The following AFF1 variants were observed in gnomAD, a reference collection of about 807,000 sequenced individuals.
AFF1 encodes the protein ALF transcription elongation factor 1.
In AFF1, 48 loss-of-function variants were observed where a neutral mutation model predicts 121.7. The ratio of observed to expected loss-of-function variants is 0.39; its 90% CI spans 0.31 to 0.50. The LOEUF (loss-of-function observed/expected upper bound fraction) is 0.50. AFF1 is among the 20% of genes least tolerant of loss of function. The pLI is 0.76. For missense variants in AFF1, 1,523 were observed against 1,511.7 expected, an observed-to-expected ratio of 1.01 and a Z score of -0.12; for synonymous variants, 613 against 563.0, an observed-to-expected ratio of 1.09 and a Z score of -1.26.
At chr4:87,016,509 G>A (rs913644814) in intron 2 of AFF1, among the ~76,000 whole-genome samples, 7 of 149,738 alleles carry the variant, frequency 4.7e-5, no homozygotes, top group Admixed American at 6.7e-5. Context: ...CGGAGATTGC[G>A]CCACTGCACT....
chr4:86,989,699 T>C (rs1387096523), intron 2 of AFF1, among the ~76,000 whole-genome samples: 1 of 152,192 alleles, frequency 6.6e-6, no homozygotes. Flanking sequence ...GGATTATAAA[T>C]CATTCTGCTA....
At chr4:87,107,788 A>G (rs13134084) in intron 10 of AFF1, among the ~76,000 whole-genome samples, 20,430 of 152,238 alleles carry the variant, frequency 0.13, 1,786 homozygotes, top group Middle Eastern at 0.21. Context: ...TAGTACATTA[A>G]AAAAATGGGT....
chr4:87,011,248 T>C (rs1726727794), intron 2 of AFF1, among the ~76,000 whole-genome samples: 1 of 152,098 alleles, frequency 6.6e-6, no homozygotes, highest in African/African-American at 2.4e-5. Context: ...AAAGAAAGGA[T>C]TTATAGACAA....
Position 87,047,396 on chromosome 4 carries a change from C to T in AFF1, c.861C>T (p.Pro287=). 6.2e-7 allele frequency: 1 copy of T among 1,614,194 alleles called. No individual in the cohort carries two copies. The highest frequency in any genetic ancestry group is 8.5e-7 in the Non-Finnish European group (1 of 1,180,040). The change falls in exon 4 of 21, where the codon CCC becomes CCT. Residue 287 remains proline, a synonymous_variant. Transcript: ENST00000395146. ...PSQTFPPPSL[P]SKSVAMQQKP... ...AGACATTTCCACCTCCCTCCCTCCC[C>T]TCAAAAAGTGTTGCAATGCAGCAGA...
chr4:87,089,718 T>C (rs1363634061), intron 5 of AFF1, among the ~76,000 whole-genome samples: 2 of 152,230 alleles, frequency 1.3e-5, no homozygotes, highest in African/African-American at 2.4e-5. Flanking sequence ...TGCTTGATAA[T>C]ATTCAGGGTG....
chr4:86,936,809 GA>G (rs1159219277), intron 1 of AFF1, among the ~76,000 whole-genome samples: 1 of 152,158 alleles, frequency 6.6e-6, no homozygotes, highest in Non-Finnish European at 1.5e-5. Context: ...TTGAATATTT[GA>G]AGATAAATAT....
chr4:87,108,068 C>T (rs556938794), intron 10 of AFF1, 91 bp from the exon 11 acceptor site: 4 of 1,445,078 alleles, frequency 2.8e-6, no homozygotes, highest in Admixed American at 2.0e-5. Context: ...CCAAGGCCCG[C>T]CCTTTTGAGT....
At position 87,111,007 on chromosome 4, in the gene AFF1, T is replaced by TTTATTTTA. The variant is rs1560635340; in HGVS notation, c.1533+2694_1533+2695insATTTTATT. Among the ~76,000 whole-genome samples, 5 of 34,842 alleles carry TTTATTTTA rather than the reference T, an allele frequency of 1.4e-4. 2 individuals carry two copies. The highest frequency in any genetic ancestry group is 3.6e-4 in the African/African-American group (5 of 13,936). 22.9% of individuals were successfully genotyped at this position (34,842 alleles called of 152,430 possible). On this transcript the variant is annotated intron_variant, in intron 11 of 20. Transcript: ENST00000395146. Reference sequence around the variant, plus strand: ...TATCTACTTAAACTTTATTTTTTTTTTTTTATTTTTTTTTTTTTGAGACGG... The same window carrying TTTATTTTA: ...TATCTACTTAAACTTTATTTTTTTTTTTATTTTATTTTATTTTTTTTTTTTTGAGACGG...
chr4:86,962,483 C>T (rs1289887809), intron 2 of AFF1, among the ~76,000 whole-genome samples: 1 of 152,122 alleles, frequency 6.6e-6, no homozygotes, highest in Non-Finnish European at 1.5e-5. Context: ...ATTTTCTTCC[C>T]TTTCTGTTGA....
intron 12 of AFF1, among the ~76,000 whole-genome samples, chr4:87,123,794 A>G (rs908682366): frequency 1.3e-5 from 2 of 152,124 alleles, no homozygotes; most frequent in Admixed American, 6.5e-5. Context: ...ACTCGGGAGG[A>G]GAGGAAGACA....
chr4:87,080,253 G>T (rs1723038439), intron 4 of AFF1, among the ~76,000 whole-genome samples: 2 of 152,188 alleles, frequency 1.3e-5, no homozygotes, highest in East Asian at 1.9e-4. Flanking sequence ...TAAAGTCAGT[G>T]TCTATACCAT....
At chr4:87,124,648 TA>T (rs1224548005) in intron 12 of AFF1, among the ~76,000 whole-genome samples, 1 of 152,212 alleles carries the variant, frequency 6.6e-6, no homozygotes, top group Non-Finnish European at 1.5e-5. Flanking sequence ...GGAAACCTCA[TA>T]AAAAATCATC....
intron 2 of AFF1, among the ~76,000 whole-genome samples, chr4:87,042,015 A>G (rs1334763172): frequency 6.6e-6 from 1 of 151,828 alleles, no homozygotes; most frequent in Non-Finnish European, 1.5e-5. Context: ...ATCTGGAAAA[A>G]AAAAAAAAAA....
intron 8 of AFF1, among the ~76,000 whole-genome samples, chr4:87,103,365 A>C (rs1725615694): frequency 6.6e-6 from 1 of 152,234 alleles, no homozygotes. Context: ...ATTCTTTATC[A>C]AATAAATTAT....
intron 2 of AFF1, among the ~76,000 whole-genome samples, chr4:86,995,283 TCC>T (rs1725038407): frequency 2.5e-5 from 1 of 39,972 alleles, no homozygotes; most frequent in Non-Finnish European, 4.8e-5. Flanking sequence ...CCTCCCCCTC[TCC>T]CTCCCCCTCT....
chr4:86,940,757 CTTTT>C (rs553660532), intron 1 of AFF1, among the ~76,000 whole-genome samples: 1 of 151,908 alleles, frequency 6.6e-6, no homozygotes, highest in East Asian at 1.9e-4. Context: ...GAGATTTTAT[CTTTT>C]TTTTATTTTT....
At chr4:87,025,204 C>G (rs907307919) in intron 2 of AFF1, among the ~76,000 whole-genome samples, 3 of 152,200 alleles carry the variant, frequency 2.0e-5, no homozygotes, top group Admixed American at 1.3e-4. Flanking sequence ...GCTCCTTTGC[C>G]AGCACTTGGA....
intron 2 of AFF1, among the ~76,000 whole-genome samples, chr4:86,967,939 T>G (rs1364080827): frequency 6.6e-6 from 1 of 152,200 alleles, no homozygotes; most frequent in Non-Finnish European, 1.5e-5. Context: ...TGCATGAGAT[T>G]TCCCAACAGA....
At chr4:87,085,604 A>T (rs1253225114) in intron 5 of AFF1, among the ~76,000 whole-genome samples, 1 of 152,122 alleles carries the variant, frequency 6.6e-6, no homozygotes, top group Admixed American at 6.5e-5. Flanking sequence ...AATTAAGTAT[A>T]TTGGTTATTT....
Sources: allele counts gnomAD v4.1 joint callset (sites outside exome capture counted in the v4.1 genomes callset), GRCh38; gene constraint gnomAD v4.1.1; transcripts MANE v1.5; gene names NCBI Gene and HGNC (gene_info 2026-07-23, HGNC 2026-07-21).